The following AUTS2 variants were observed in gnomAD, a reference collection of about 807,000 sequenced individuals.
The protein encoded by AUTS2 is autism susceptibility gene 2 protein.
Under a neutral mutation model 112.4 loss-of-function variants are expected in AUTS2, and 17 were observed. That is an observed-to-expected ratio of 0.15 (90% CI 0.10 to 0.23). The LOEUF (loss-of-function observed/expected upper bound fraction) is 0.23, where lower values mean the gene tolerates loss of function less well. Ranked by LOEUF, AUTS2 falls within the 10% of genes least tolerant of loss-of-function variation. The pLI is 1.00. For synonymous variants in AUTS2, 751 were observed against 702.7 expected, an observed-to-expected ratio of 1.07 and a Z score of -1.09; for missense variants, 1,510 against 1,701.6, an observed-to-expected ratio of 0.89 and a Z score of 1.98.
At chr7:69,838,539 T>C (rs1372933112) in intron 1 of AUTS2, among the ~76,000 whole-genome samples, 1 of 152,166 alleles carries the variant, frequency 6.6e-6, no homozygotes, top group Non-Finnish European at 1.5e-5. Context: ...TCTGGATCCA[T>C]CAAAACCTTT....
At chr7:70,498,701 C>T (rs913384539) in intron 5 of AUTS2, among the ~76,000 whole-genome samples, 4 of 152,138 alleles carry the variant, frequency 2.6e-5, no homozygotes, top group African/African-American at 4.8e-5. Flanking sequence ...TTTTGATTCT[C>T]TCTTTCATTT....
intron 4 of AUTS2, among the ~76,000 whole-genome samples, chr7:70,225,048 T>C (rs1356234440): frequency 6.6e-6 from 1 of 152,166 alleles, no homozygotes; most frequent in Non-Finnish European, 1.5e-5. Context: ...TGACTGTGCT[T>C]AGTCTTCTAC....
Position 69,599,993 on chromosome 7 carries a change from C to G in AUTS2, c.309+31C>G. On this transcript the variant is annotated intron_variant, in intron 1 of 18. Coordinates refer to ENST00000342771, the MANE Select transcript of AUTS2 (RefSeq NM_015570.4). This position sits in a 1 kb window ranked among gnomAD's most constrained non-coding sequence, Gnocchi z 7.0. The stretch of plus-strand genomic sequence containing the variant: ...GGGGACCCCCCTTCCCCCGGGTTCC[C>G]TTTATGCACGACCCCACTCGGCTGC... The G allele has an allele frequency of 6.2e-7, 1 of 1,610,780 alleles. No homozygotes were observed. Among genetic ancestry groups the G allele is most frequent in the Non-Finnish European group, 8.5e-7 (1 of 1,178,386 alleles).
chr7:70,781,513 A>G, intron 14 of AUTS2, 102 bp from the exon 15 acceptor site: 1 of 1,398,684 alleles, frequency 7.1e-7, no homozygotes, highest in South Asian at 1.4e-5. Flanking sequence ...TGTAAACTTG[A>G]ACCCAAGTGC....
At chr7:69,658,463 T>G (rs1416790182) in intron 1 of AUTS2, among the ~76,000 whole-genome samples, 1 of 152,224 alleles carries the variant, frequency 6.6e-6, no homozygotes, top group African/African-American at 2.4e-5. Flanking sequence ...GTGGTTCGTT[T>G]ATTAGAGCTA....
At chr7:69,822,786 A>T (rs1342535500) in intron 1 of AUTS2, among the ~76,000 whole-genome samples, 1 of 152,162 alleles carries the variant, frequency 6.6e-6, no homozygotes, top group African/African-American at 2.4e-5. Context: ...GTCCAATCCA[A>T]TATCTGCCTA....
chr7:70,152,941 C>T (rs969310285), intron 4 of AUTS2, among the ~76,000 whole-genome samples: 5 of 152,098 alleles, frequency 3.3e-5, no homozygotes, highest in African/African-American at 1.2e-4. Context: ...ACCATAAACT[C>T]TAGTTTCTCT....
Position 70,791,062 on chromosome 7 carries a change from A to G in AUTS2, c.*66A>G. Reference sequence around the variant, plus strand: ...GCAGACACCAGGCCAGGCTTGAGAGACAGAACTCCTGCATGGCTCACACAG... The same window carrying G: ...GCAGACACCAGGCCAGGCTTGAGAGGCAGAACTCCTGCATGGCTCACACAG... On this transcript the variant is annotated 3_prime_UTR_variant, in exon 19 of 19. Transcript: ENST00000342771. The G allele has an allele frequency of 1.4e-6, 2 of 1,410,488 alleles. No individual in the cohort carries two copies. The highest frequency in any genetic ancestry group is 1.8e-6 in the Non-Finnish European group (2 of 1,084,764). The allele number at this position is 1,410,488 out of a possible 1,614,324, so 87.4% of individuals were successfully genotyped here.
In AUTS2 at chr7:70,132,164, TAA is replaced by T. The variant is rs200482728; in HGVS notation, c.625-2349_625-2348del. Among the ~76,000 whole-genome samples, 375 of 102,528 alleles carry T rather than the reference TAA, an allele frequency of 3.7e-3. 2 individuals are homozygous for T. Among genetic ancestry groups the T allele is most frequent in the African/African-American group, 0.011 (297 of 26,808 alleles). 67.3% of individuals were successfully genotyped at this position (102,528 alleles called of 152,430 possible). On this transcript the variant is annotated intron_variant, in intron 3 of 18. Transcript: ENST00000342771. ...ACTGAATACCATGCATCTTTTCCCT[TAA>T]AAAAAAAAAAAAAAAAAAAAAAGAG...
chr7:70,496,457 G>A (rs562466056), intron 5 of AUTS2, among the ~76,000 whole-genome samples: 39 of 87,432 alleles, frequency 4.5e-4, no homozygotes, highest in African/African-American at 1.7e-3. Context: ...CACACACCAC[G>A]TACACAGTCA....
intron 2 of AUTS2, among the ~76,000 whole-genome samples, chr7:70,012,846 TATCAG>T (rs1237764543): frequency 1.3e-5 from 2 of 152,212 alleles, no homozygotes; most frequent in African/African-American, 2.4e-5. Context: ...TTATTTCTCT[TATCAG>T]TGAAAAAGAT....
intron 5 of AUTS2, among the ~76,000 whole-genome samples, chr7:70,688,455 G>A (rs1313313111): frequency 6.6e-6 from 1 of 152,152 alleles, no homozygotes; most frequent in Non-Finnish European, 1.5e-5. Flanking sequence ...ACAAAGACAA[G>A]CAAGACACAG....
intron 6 of AUTS2, among the ~76,000 whole-genome samples, chr7:70,726,865 C>T (rs571571628): frequency 3.0e-4 from 46 of 152,284 alleles, no homozygotes; most frequent in African/African-American, 1.0e-3. Context: ...ACGGGATTAT[C>T]TTATTTTAAA....
chr7:70,240,078 C>T (rs964568134), intron 4 of AUTS2, among the ~76,000 whole-genome samples: 6 of 152,106 alleles, frequency 3.9e-5, no homozygotes, highest in Non-Finnish European at 7.3e-5. Flanking sequence ...TTAGAGGTTG[C>T]CTGAGCTGGC....
At chr7:69,831,250 A>G (rs17458187) in intron 1 of AUTS2, among the ~76,000 whole-genome samples, 3,679 of 152,210 alleles carry the variant, frequency 0.024, 60 homozygotes, top group Non-Finnish European at 0.038. Context: ...TTAGGGAGCA[A>G]TATTTGTTCT....
chr7:70,533,452 C>A (rs1800179513), intron 5 of AUTS2, among the ~76,000 whole-genome samples: 1 of 152,052 alleles, frequency 6.6e-6, no homozygotes, highest in South Asian at 2.1e-4. Context: ...TAAATCTGAA[C>A]TCTGCCTCAA....
chr7:69,775,498 A>T (rs10254086), intron 1 of AUTS2, among the ~76,000 whole-genome samples: 15,163 of 152,020 alleles, frequency 0.1, 1,209 homozygotes, highest in African/African-American at 0.22. Context: ...GCCATTTCCA[A>T]TCCAGGCCTG....
intron 5 of AUTS2, among the ~76,000 whole-genome samples, chr7:70,617,650 G>A (rs554254966): frequency 1.2e-4 from 17 of 142,162 alleles, no homozygotes; most frequent in South Asian, 1.1e-3. Context: ...GCGACAGAGC[G>A]AGACACTGTC....
At chr7:69,764,984 C>G (rs529564736) in intron 1 of AUTS2, among the ~76,000 whole-genome samples, 1 of 151,782 alleles carries the variant, frequency 6.6e-6, no homozygotes. Flanking sequence ...CACGTGAGTA[C>G]GTTGATAATA....
Sources: gnomAD v4.1 joint callset for allele counts (sites outside exome capture counted in the v4.1 genomes callset) on GRCh38, gnomAD v4.1.1 for gene constraint, Gnocchi (gnomAD v3.1) non-coding constraint, MANE v1.5 for transcripts, NCBI Gene and HGNC (gene_info 2026-07-23, HGNC 2026-07-21) for gene names.